LARP1: variants seen among roughly 807,000 people sequenced by gnomAD.
LARP1 encodes the protein La ribonucleoprotein 1, translational regulator.
LARP1 carries 36 observed loss-of-function variants against 122.7 expected under a neutral mutation model. That is an observed-to-expected ratio of 0.29 (90% CI 0.22 to 0.39). LARP1 has a LOEUF of 0.39. LARP1 is among the 10% of genes least tolerant of loss of function. LARP1 has a pLI of 1.00. For missense variants in LARP1, 1,040 were observed against 1,403.6 expected (o/e 0.74, Z 4.14); for synonymous variants, 539 against 528.7 (o/e 1.02, Z -0.27).
intron 14 of LARP1, chr5:154,804,742 G>A (rs1758621412): frequency 2.2e-6 from 1 of 456,214 alleles, no homozygotes; most frequent in Non-Finnish European, 4.4e-6. Flanking sequence ...GCTTCTTGGG[G>A]TAGGGCCCAC....
chr5:154,685,041 C>A (rs975531910), intron 1 of LARP1, among the ~76,000 whole-genome samples: 1 of 152,076 alleles, frequency 6.6e-6, no homozygotes, highest in Non-Finnish European at 1.5e-5. Flanking sequence ...GTCAGCAGTT[C>A]GACACCAGCC....
At chr5:154,807,202 G>A (rs566222745) in intron 15 of LARP1, among the ~76,000 whole-genome samples, 11 of 152,114 alleles carry the variant, frequency 7.2e-5, no homozygotes, top group South Asian at 4.1e-4. Context: ...ATATTCCATC[G>A]TATGGATGTA....
At chr5:154,725,395 A>C (rs1392470973) in intron 1 of LARP1, among the ~76,000 whole-genome samples, 3 of 151,056 alleles carry the variant, frequency 2.0e-5, no homozygotes, top group Non-Finnish European at 4.4e-5. Context: ...TCTCAAAAAA[A>C]AAAAAAAAAA....
intron 1 of LARP1, among the ~76,000 whole-genome samples, chr5:154,773,194 A>G (rs1387640933): frequency 1.3e-5 from 2 of 151,938 alleles, no homozygotes; most frequent in East Asian, 3.9e-4. Flanking sequence ...AGAATATCTT[A>G]TACTGTACTC....
chr5:154,765,573 T>A (rs1754872358), intron 1 of LARP1, among the ~76,000 whole-genome samples: 1 of 152,142 alleles, frequency 6.6e-6, no homozygotes, highest in African/African-American at 2.4e-5. Flanking sequence ...TTTTAATTTT[T>A]TGTAGGAATG....
In LARP1 at chr5:154,800,844, T is replaced by A. The variant is rs556054691; in HGVS notation, c.1716+802T>A. 1.2e-4 allele frequency among the ~76,000 whole-genome samples: 18 copies of A among 152,328 alleles called. No homozygotes were observed. In the South Asian group the frequency reaches 3.7e-3, roughly 32 times the overall value. On this transcript the variant is annotated intron_variant, in intron 10 of 18. Transcript: ENST00000518297. ...TTTCCCACAGTGATTACCTCTCATC[T>A]CCTTTCTCTTGCCTGCCTGTTCATA...
chr5:154,787,882 TTTGA>T (rs1350112143), intron 1 of LARP1, among the ~76,000 whole-genome samples: 25 of 152,278 alleles, frequency 1.6e-4, no homozygotes, highest in East Asian at 1.3e-3. Flanking sequence ...TTCATGGCAC[TTTGA>T]TTGGAGACTG....
At chr5:154,729,006 A>C (rs1285717526) in intron 1 of LARP1, among the ~76,000 whole-genome samples, 2 of 152,162 alleles carry the variant, frequency 1.3e-5, no homozygotes, top group African/African-American at 4.8e-5. Context: ...CATTTGCTAC[A>C]TAAGCACTTG....
chr5:154,715,392 G>A (rs1297497161), intron 1 of LARP1, among the ~76,000 whole-genome samples: 2 of 149,928 alleles, frequency 1.3e-5, no homozygotes, highest in Non-Finnish European at 3.0e-5. Context: ...AGCCTCCTGA[G>A]TAGCTGGGAT....
At chr5:154,788,264 T>A (rs1286708052) in intron 1 of LARP1, among the ~76,000 whole-genome samples, 1 of 152,182 alleles carries the variant, frequency 6.6e-6, no homozygotes, top group African/African-American at 2.4e-5. Context: ...AAGAACTCTA[T>A]CCTCTTGGGA....
chr5:154,803,283 T>C lies in LARP1; in HGVS notation c.2110-7T>C. ...ATCTTTCCCCACTCATCTCATGACC[T>C]CTGCAGCAAGAAGTCGAGAACTTCA... On this transcript the variant is annotated splice_polypyrimidine_tract_variant and splice_region_variant and intron_variant, in intron 11 of 18. Coordinates refer to ENST00000518297, the MANE Select transcript of LARP1 (RefSeq NM_033551.3). This position sits in a 1 kb window ranked among gnomAD's most constrained non-coding sequence, Gnocchi z 4.4. 6.2e-7 allele frequency: 1 copy of C among 1,614,148 alleles called. No homozygotes were observed. Among genetic ancestry groups the C allele is most frequent in the South Asian group, 1.1e-5 (1 of 91,082 alleles).
upstream of LARP1, chr5:154,712,755 C>A: frequency 1.6e-6 from 1 of 620,404 alleles, no homozygotes. Context: ...GTGGGGTAGC[C>A]TTGCTCGGCC....
At chr5:154,722,511 C>T (rs780584792) in intron 1 of LARP1, among the ~76,000 whole-genome samples, 9 of 152,160 alleles carry the variant, frequency 5.9e-5, no homozygotes, top group Middle Eastern at 3.4e-3. Context: ...AGAGACCAGC[C>T]GGTAGCACAT....
At chr5:154,808,010 CTTGTT>C (rs1377056834) in intron 15 of LARP1, among the ~76,000 whole-genome samples, 4 of 152,000 alleles carry the variant, frequency 2.6e-5, no homozygotes, top group African/African-American at 4.8e-5. Flanking sequence ...TTCATTTTCT[CTTGTT>C]TTGTTGCTTG....
intron 1 of LARP1, among the ~76,000 whole-genome samples, chr5:154,718,014 C>T (rs1388971109): frequency 6.6e-6 from 1 of 152,116 alleles, no homozygotes; most frequent in African/African-American, 2.4e-5. Flanking sequence ...AAATCCTGGG[C>T]TCAAGGAATC....
At position 154,812,338 on chromosome 5, in the gene LARP1, C is replaced by T. The variant is rs551486913; in HGVS notation, c.3081+698C>T. On this transcript the variant is annotated intron_variant, in intron 18 of 18. Transcript: ENST00000518297. ...TCTCTTCTCACTCTGCTAATAAAGA[C>T]ATACCTGAGACTGGGTAATTTATAA... Among the ~76,000 whole-genome samples the T allele has an allele frequency of 6.6e-5, 10 of 152,308 alleles. No individual in the cohort carries two copies. The South Asian group carries it at 1.5e-3, about 22-fold the overall frequency.
At chr5:154,702,901 C>T (rs1434202134) in intron 1 of LARP1, among the ~76,000 whole-genome samples, 2 of 151,534 alleles carry the variant, frequency 1.3e-5, no homozygotes, top group Non-Finnish European at 2.9e-5. Context: ...GGGCGGATCA[C>T]GAGGTCAGGA....
chr5:154,690,604 C>T (rs1754147676), intron 1 of LARP1, among the ~76,000 whole-genome samples: 1 of 152,240 alleles, frequency 6.6e-6, no homozygotes, highest in Non-Finnish European at 1.5e-5. Context: ...GCGAGACCCG[C>T]CACTACCTCC....
intron 1 of LARP1, among the ~76,000 whole-genome samples, chr5:154,762,011 G>T (rs908258611): frequency 6.6e-6 from 1 of 152,176 alleles, no homozygotes; most frequent in East Asian, 1.9e-4. Context: ...GAAGGCCGAG[G>T]CGGGCGGATC....
Sources: gnomAD v4.1 joint callset for allele counts (sites outside exome capture counted in the v4.1 genomes callset) on GRCh38, gnomAD v4.1.1 for gene constraint, Gnocchi (gnomAD v3.1) non-coding constraint, MANE v1.5 for transcripts, NCBI Gene and HGNC (gene_info 2026-07-23, HGNC 2026-07-21) for gene names.